Variants in EHBP1 observed in about 807,000 individuals in gnomAD.
EHBP1 encodes the protein EH domain-binding protein 1.
Under a neutral mutation model 144.0 loss-of-function variants are expected in EHBP1, and 55 were observed. The ratio of observed to expected loss-of-function variants is 0.38; its 90% CI spans 0.31 to 0.48. The LOEUF is 0.48. Ranked by LOEUF, EHBP1 falls within the 20% of genes least tolerant of loss-of-function variation. The pLI, the probability that EHBP1 is intolerant of heterozygous loss-of-function variation, is 0.98. For missense variants in EHBP1, 1,200 were observed against 1,364.2 expected (o/e 0.88, Z 1.90); for synonymous variants, 469 against 472.7 (o/e 0.99, Z 0.10).
At chr2:62,724,736 A>G (rs1484357912) in intron 2 of EHBP1, among the ~76,000 whole-genome samples, 2 of 151,914 alleles carry the variant, frequency 1.3e-5, no homozygotes, top group Non-Finnish European at 2.9e-5. Context: ...CCTGTTGGGA[A>G]CTGGGCTGCA....
intron 7 of EHBP1, among the ~76,000 whole-genome samples, chr2:62,854,831 C>A (rs1398346222): frequency 6.6e-6 from 1 of 152,220 alleles, no homozygotes; most frequent in Non-Finnish European, 1.5e-5. Flanking sequence ...GCCACACACT[C>A]CAAGCAGCTG....
intron 5 of EHBP1, among the ~76,000 whole-genome samples, chr2:62,784,131 G>A (rs1196587853): frequency 6.6e-6 from 1 of 152,162 alleles, no homozygotes; most frequent in Non-Finnish European, 1.5e-5. Flanking sequence ...CAAATGACAT[G>A]AAATGGATAT....
chr2:63,020,980 ATTTTTTTTTTTT>A (rs761382729), intron 19 of EHBP1, among the ~76,000 whole-genome samples: 1 of 68,572 alleles, frequency 1.5e-5, no homozygotes, highest in Non-Finnish European at 2.6e-5. Flanking sequence ...GCCTGGCCTC[ATTTTTTTTTTTT>A]TTTTTTTTTT....
chr2:62,910,983 G>C (rs908656577), intron 10 of EHBP1, among the ~76,000 whole-genome samples: 1 of 152,128 alleles, frequency 6.6e-6, no homozygotes, highest in Non-Finnish European at 1.5e-5. Flanking sequence ...TGATCTGTAG[G>C]ACCTCCTGTA....
At position 63,045,522 on chromosome 2, in the gene EHBP1, C is replaced by T; in HGVS notation, c.*22C>T. 1 of 1,582,110 alleles carries T rather than the reference C, an allele frequency of 6.3e-7. No homozygotes were observed. The highest frequency in any genetic ancestry group is 8.7e-7 in the Non-Finnish European group (1 of 1,154,434). ...GTAGCCATCAGATCAGAAAGAATCTCTCCCAACATTTTAGAGTCTTGCTTC... is the reference window on the plus strand; with the variant it reads ...GTAGCCATCAGATCAGAAAGAATCTTTCCCAACATTTTAGAGTCTTGCTTC... On this transcript the variant is annotated 3_prime_UTR_variant, in exon 23 of 23. Transcript: ENST00000431489. This position sits in a 1 kb window ranked among gnomAD's most constrained non-coding sequence, Gnocchi z 5.7.
At chr2:62,919,519 G>A (rs2054899617) in intron 10 of EHBP1, among the ~76,000 whole-genome samples, 2 of 152,132 alleles carry the variant, frequency 1.3e-5, no homozygotes, top group Admixed American at 1.3e-4. Flanking sequence ...ACAAATAACA[G>A]GTGGGGAAAG....
chr2:62,725,551 G>A (rs2036686209), intron 2 of EHBP1, among the ~76,000 whole-genome samples: 1 of 152,334 alleles, frequency 6.6e-6, no homozygotes, highest in African/African-American at 2.4e-5. Flanking sequence ...GGGCAGCAGG[G>A]AGTCTGCTGT....
In EHBP1 at chr2:63,011,125, C is replaced by T. The variant is rs1316167370; in HGVS notation, c.3103+14359C>T. Among the ~76,000 whole-genome samples the T allele has an allele frequency of 9.3e-5, 12 of 129,384 alleles. No individual in the cohort carries two copies. In the South Asian group the frequency reaches 2.0e-3, roughly 21 times the overall value. The allele number at this position is 129,384 out of a possible 152,430, so 84.9% of individuals were successfully genotyped here. A position where few individuals can be genotyped will look rare whatever the true frequency, so the allele number is the denominator to read the frequency against. On this transcript the variant is annotated intron_variant, in intron 19 of 22. Coordinates refer to ENST00000431489, the MANE Select transcript of EHBP1 (RefSeq NM_001142616.3). ...GGGTTTTGCATCAGTTGTTTTCTGCCGGGTGGCCTCACTTGTCAAAAAAAA... is the reference window on the plus strand; with the variant it reads ...GGGTTTTGCATCAGTTGTTTTCTGCTGGGTGGCCTCACTTGTCAAAAAAAA...
chr2:62,765,646 C>G (rs1032525247), intron 4 of EHBP1, among the ~76,000 whole-genome samples: 1 of 152,104 alleles, frequency 6.6e-6, no homozygotes, highest in East Asian at 1.9e-4. Flanking sequence ...AAGATAGTAC[C>G]TATCTCATAG....
intron 1 of EHBP1, among the ~76,000 whole-genome samples, chr2:62,677,538 T>G (rs1314453125): frequency 1.3e-5 from 2 of 152,164 alleles, no homozygotes. Context: ...TGTACAGTTA[T>G]TTTTTACTAT....
At chr2:62,850,760 C>T (rs2048638184) in intron 7 of EHBP1, among the ~76,000 whole-genome samples, 1 of 151,808 alleles carries the variant, frequency 6.6e-6, no homozygotes, top group Non-Finnish European at 1.5e-5. Flanking sequence ...AAAAAAATTC[C>T]AGGAATAAAT....
chr2:63,040,810 AGGT>A (rs2061626944), intron 21 of EHBP1, among the ~76,000 whole-genome samples: 1 of 152,182 alleles, frequency 6.6e-6, no homozygotes, highest in Non-Finnish European at 1.5e-5. Flanking sequence ...TGTCCCAGAG[AGGT>A]GGTGATCACT....
At chr2:62,788,758 T>G (rs1459357107) in intron 5 of EHBP1, among the ~76,000 whole-genome samples, 2 of 152,228 alleles carry the variant, frequency 1.3e-5, no homozygotes, top group African/African-American at 4.8e-5. Context: ...AAACCTATAT[T>G]TAATTTACAC....
chr2:62,833,115 A>C (rs2046948737), intron 7 of EHBP1, among the ~76,000 whole-genome samples: 1 of 152,218 alleles, frequency 6.6e-6, no homozygotes, highest in Admixed American at 6.5e-5. Flanking sequence ...TAGAATATCA[A>C]ACCAGCCATA....
chr2:62,803,595 T>C (rs2044209356), intron 5 of EHBP1, among the ~76,000 whole-genome samples: 1 of 152,228 alleles, frequency 6.6e-6, no homozygotes, highest in African/African-American at 2.4e-5. Context: ...GCCATGCATG[T>C]TTTTCTGTGA....
At chr2:62,808,077 G>C (rs909070799) in intron 5 of EHBP1, among the ~76,000 whole-genome samples, 1 of 151,032 alleles carries the variant, frequency 6.6e-6, no homozygotes, top group Non-Finnish European at 1.5e-5. Context: ...AGAAAGAAAA[G>C]TACATTATAT....
intron 3 of EHBP1, among the ~76,000 whole-genome samples, chr2:62,751,826 T>G (rs1187514429): frequency 6.6e-6 from 1 of 152,226 alleles, no homozygotes; most frequent in Non-Finnish European, 1.5e-5. Context: ...GGATCGGTGG[T>G]GATATCCCCT....
upstream of EHBP1, among the ~76,000 whole-genome samples, chr2:62,701,035 G>A (rs1572886498): frequency 6.6e-6 from 1 of 152,134 alleles, no homozygotes; most frequent in South Asian, 2.1e-4. Flanking sequence ...GTGGGATTAG[G>A]TCCTGCTCTC....
intron 1 of EHBP1, among the ~76,000 whole-genome samples, chr2:62,692,970 A>G (rs1397042453): frequency 6.6e-6 from 1 of 151,930 alleles, no homozygotes; most frequent in Non-Finnish European, 1.5e-5. Context: ...CATTTTGACT[A>G]TATTTTTATA....
Sources: gnomAD v4.1 joint callset for allele counts (sites outside exome capture counted in the v4.1 genomes callset) on GRCh38, gnomAD v4.1.1 for gene constraint, Gnocchi (gnomAD v3.1) non-coding constraint, MANE v1.5 for transcripts, NCBI Gene and HGNC (gene_info 2026-07-23, HGNC 2026-07-21) for gene names.